Variants in TRAPPC9 observed in about 807,000 individuals in gnomAD.
The protein encoded by TRAPPC9 is trafficking protein particle complex subunit 9, also known as IKK2 binding protein.
Under a neutral mutation model 124.0 loss-of-function variants are expected in TRAPPC9, and 83 were observed. The ratio of observed to expected loss-of-function variants is 0.67; its 90% confidence interval spans 0.56 to 0.80. The LOEUF (loss-of-function observed/expected upper bound fraction) is 0.80, where lower values mean the gene tolerates loss of function less well. Among genes scored for constraint, TRAPPC9 ranks in the 30% least tolerant of loss-of-function variants. The pLI is 0.00. For synonymous variants in TRAPPC9, 638 were observed against 617.5 expected, an observed-to-expected ratio of 1.03 and a Z score of -0.49; for missense variants, 1,302 against 1,508.3, an observed-to-expected ratio of 0.86 and a Z score of 2.27.
chr8:140,386,943 A>G (rs1352406844), intron 7 of TRAPPC9, among the ~76,000 whole-genome samples: 1 of 152,240 alleles, frequency 6.6e-6, no homozygotes, highest in Non-Finnish European at 1.5e-5. Flanking sequence ...TAACCAAAAC[A>G]GCATGGTACT....
At chr8:139,898,665 C>T (rs556876918) in intron 20 of TRAPPC9, among the ~76,000 whole-genome samples, 3 of 152,106 alleles carry the variant, frequency 2.0e-5, no homozygotes, top group South Asian at 4.1e-4. Flanking sequence ...GCTTCATACC[C>T]GCCACATGTG....
chr8:139,750,870 A>T (rs1255200697), intron 21 of TRAPPC9, among the ~76,000 whole-genome samples: 1 of 152,160 alleles, frequency 6.6e-6, no homozygotes, highest in East Asian at 1.9e-4. Context: ...GCAGCAGGTG[A>T]CATCAGCAGG....
chr8:139,769,808 T>G (rs1251373613), intron 21 of TRAPPC9, among the ~76,000 whole-genome samples: 2 of 152,228 alleles, frequency 1.3e-5, no homozygotes, highest in Non-Finnish European at 2.9e-5. Flanking sequence ...TTATACTGAT[T>G]TGTACAAATT....
chr8:139,748,546 C>CAGGTAGGGGGGGCATACAGGGGTCA (rs1466033327), intron 21 of TRAPPC9, among the ~76,000 whole-genome samples: 1 of 150,894 alleles, frequency 6.6e-6, no homozygotes, highest in African/African-American at 2.5e-5. Context: ...GGGGTCAGAG[C>CAGGTAGGGGGGGCATACAGGGGTCA]GGGTGTGTGG....
In TRAPPC9 at chr8:140,280,778, G is replaced by A. The variant is rs1031418749; in HGVS notation, c.2114+3111C>T. On this transcript the variant is annotated intron_variant, in intron 14 of 22. Coordinates refer to ENST00000438773, the MANE Select transcript of TRAPPC9 (RefSeq NM_001160372.4). Reference sequence around the variant, plus strand: ...ACTTGCAGCACCCCAAAGAGATGACGCAGGAGCACTTCCAATCAGTTTAGT... The same window carrying A: ...ACTTGCAGCACCCCAAAGAGATGACACAGGAGCACTTCCAATCAGTTTAGT... Among the ~76,000 whole-genome samples, 15 of 152,238 alleles carry A rather than the reference G, an allele frequency of 9.9e-5. No homozygotes were observed. In the East Asian group the frequency reaches 2.5e-3, roughly 26 times the overall value.
At chr8:140,233,884 G>T (rs1035125276) in intron 16 of TRAPPC9, among the ~76,000 whole-genome samples, 38 of 151,820 alleles carry the variant, frequency 2.5e-4, no homozygotes, top group Non-Finnish European at 4.9e-4. Flanking sequence ...GTCGAACCCT[G>T]ATTATATACT....
chr8:140,336,079 T>C (rs1297331398), intron 9 of TRAPPC9, among the ~76,000 whole-genome samples: 2 of 152,152 alleles, frequency 1.3e-5, no homozygotes, highest in Admixed American at 1.3e-4. Flanking sequence ...CCTTTTTTTT[T>C]CACAACTCAA....
At chr8:139,789,331 G>A (rs1172148895) in intron 21 of TRAPPC9, among the ~76,000 whole-genome samples, 1 of 152,198 alleles carries the variant, frequency 6.6e-6, no homozygotes, top group Admixed American at 6.5e-5. Context: ...GGTCTTCCCT[G>A]CCCACTCCTC....
At chr8:140,329,201 T>C (rs1278730913) in intron 9 of TRAPPC9, among the ~76,000 whole-genome samples, 2 of 151,958 alleles carry the variant, frequency 1.3e-5, no homozygotes, top group Non-Finnish European at 2.9e-5. Flanking sequence ...GAAACACATC[T>C]GGAAAGAATG....
rs1563711509 is a variant in TRAPPC9, at chr8:140,037,907, CA to C, written c.2557-13829del. On this transcript the variant is annotated intron_variant, in intron 17 of 22. Transcript: ENST00000438773. ...ACACACACACACACACACACACACA[CA>C]CACCCCAGAGCTTCCCTCGTGCTGC... Among the ~76,000 whole-genome samples, 115 of 145,720 alleles carry C rather than the reference CA, an allele frequency of 7.9e-4. 1 individual carries two copies. Among genetic ancestry groups the C allele is most frequent in the African/African-American group, 2.6e-3 (106 of 40,534 alleles).
chr8:140,381,542 C>T (rs2068608237), intron 7 of TRAPPC9, among the ~76,000 whole-genome samples: 1 of 151,682 alleles, frequency 6.6e-6, no homozygotes, highest in Admixed American at 6.6e-5. Flanking sequence ...GTGGCATGCG[C>T]CTGTAGTCCC....
chr8:140,115,276 T>TG, intron 17 of TRAPPC9, among the ~76,000 whole-genome samples: 1 of 152,132 alleles, frequency 6.6e-6, no homozygotes, highest in African/African-American at 2.4e-5. Flanking sequence ...AATGGTTTTT[T>TG]TTTTTTTTTT....
At chr8:140,419,448 A>AAAAAAAAAAAAAAAAAAAAC (rs1554683879) in intron 5 of TRAPPC9, among the ~76,000 whole-genome samples, 3 of 94,774 alleles carry the variant, frequency 3.2e-5, no homozygotes, top group East Asian at 3.1e-4. Flanking sequence ...AAAAAAAAAA[A>AAAAAAAAAAAAAAAAAAAAC]AAAACAAAAC....
intron 7 of TRAPPC9, among the ~76,000 whole-genome samples, chr8:140,380,614 C>T (rs1312457041): frequency 7.1e-6 from 1 of 140,024 alleles, no homozygotes. Flanking sequence ...AAGATCGTGC[C>T]ACTGTACTCC....
intron 20 of TRAPPC9, among the ~76,000 whole-genome samples, chr8:139,889,815 C>G (rs1336559435): frequency 6.6e-6 from 1 of 152,192 alleles, no homozygotes; most frequent in Non-Finnish European, 1.5e-5. Flanking sequence ...AGGACAGCCC[C>G]CCTGCGGCCC....
In TRAPPC9 at chr8:139,730,770, G is replaced by C; in HGVS notation, c.*291C>G. 1 of 467,032 alleles carries C rather than the reference G, an allele frequency of 2.1e-6. No homozygotes were observed. Among genetic ancestry groups the C allele is most frequent in the Non-Finnish European group, 3.9e-6 (1 of 255,728 alleles). 28.9% of individuals were successfully genotyped at this position (467,032 alleles called of 1,614,324 possible). A position where few individuals can be genotyped will look rare whatever the true frequency, so the allele number is the denominator to read the frequency against. On this transcript the variant is annotated 3_prime_UTR_variant, in exon 23 of 23. Coordinates refer to ENST00000438773, the MANE Select transcript of TRAPPC9 (RefSeq NM_001160372.4). ...TCACAGAAATGGGTGCAGGGATCCT[G>C]GGACCTGGGCTGGATGGGCACCCGC...
At chr8:140,149,384 C>T (rs2061507467) in intron 17 of TRAPPC9, among the ~76,000 whole-genome samples, 1 of 152,176 alleles carries the variant, frequency 6.6e-6, no homozygotes, top group Non-Finnish European at 1.5e-5. Context: ...CTTTGGGAGG[C>T]CAAGGTGGGT....
intron 19 of TRAPPC9, chr8:139,932,510 C>A: frequency 2.2e-6 from 1 of 456,668 alleles, no homozygotes; most frequent in Non-Finnish European, 4.4e-6. Context: ...CGCCTGTAAT[C>A]CCAGCACTTT....
At chr8:140,022,215 A>G (rs1357594053) in intron 18 of TRAPPC9, among the ~76,000 whole-genome samples, 2 of 152,356 alleles carry the variant, frequency 1.3e-5, no homozygotes, top group South Asian at 2.1e-4. Context: ...TGACAAAGGC[A>G]TGCAGTGGAT....
Sources: allele counts gnomAD v4.1 joint callset (sites outside exome capture counted in the v4.1 genomes callset), GRCh38; gene constraint gnomAD v4.1.1; transcripts MANE v1.5; gene names NCBI Gene and HGNC (gene_info 2026-07-23, HGNC 2026-07-21).